UNC80: variants seen among roughly 807,000 people sequenced by gnomAD.
UNC80 encodes unc-80 subunit of NALCN channel complex, also known as protein unc-80 homolog.
In UNC80, 164 loss-of-function variants were observed where a neutral mutation model predicts 384.6. The ratio of observed to expected loss-of-function variants is 0.43; its 90% confidence interval spans 0.38 to 0.49. UNC80 has a LOEUF of 0.49. UNC80 is among the 20% of genes least tolerant of loss of function. The pLI is 0.00. For missense variants in UNC80, 3,330 were observed against 4,143.0 expected (o/e 0.80, Z 5.39); for synonymous variants, 1,486 against 1,527.8 (o/e 0.97, Z 0.64).
intron 4 of UNC80, 33 bp from the exon 5 acceptor site, chr2:209,786,033 G>T: frequency 2.5e-6 from 4 of 1,607,446 alleles, no homozygotes; most frequent in Non-Finnish European, 3.4e-6. Context: ...TTACATGTCA[G>T]TTATTGGACA....
chr2:209,913,436 T>C lies in UNC80; in HGVS notation c.4891-366T>C, dbSNP rs1269164664. ...CTGCTTATAGTTTTTGGTGGAAATC[T>C]ACTATTAGGAAGGAAAACAGGATCC... On this transcript the variant is annotated intron_variant, in intron 30 of 64. Coordinates refer to ENST00000673920, the MANE Select transcript of UNC80 (RefSeq NM_001371986.1). Among the ~76,000 whole-genome samples, 3 of 152,298 alleles carry C rather than the reference T, an allele frequency of 2.0e-5. No homozygotes were observed. The South Asian group carries it at 6.2e-4, about 32-fold the overall frequency.
At chr2:209,808,911 C>T (rs527739352) in intron 7 of UNC80, 11 of 282,676 alleles carry the variant, frequency 3.9e-5, no homozygotes, top group South Asian at 2.6e-4. Context: ...AGCAGCCCTA[C>T]CACCAGGCCC....
At chr2:209,914,968 C>A (rs1349669622) in intron 31 of UNC80, among the ~76,000 whole-genome samples, 2 of 152,004 alleles carry the variant, frequency 1.3e-5, no homozygotes, top group African/African-American at 4.8e-5. Context: ...CAATAAATAT[C>A]TTGGTAAAAT....
intron 51 of UNC80, among the ~76,000 whole-genome samples, chr2:209,964,899 A>T (rs183134243): frequency 6.8e-4 from 97 of 142,416 alleles, no homozygotes; most frequent in Middle Eastern, 7.4e-3. Flanking sequence ...CTAATTTGTT[A>T]AAAAAAAGTA....
At chr2:209,952,812 C>T (rs1023839898) in intron 47 of UNC80, among the ~76,000 whole-genome samples, 8 of 152,102 alleles carry the variant, frequency 5.3e-5, no homozygotes, top group Non-Finnish European at 1.0e-4. Context: ...AAAGCAGAAC[C>T]GACTTCTTGC....
chr2:209,913,521 T>C (rs918693409), intron 30 of UNC80, among the ~76,000 whole-genome samples: 1 of 152,180 alleles, frequency 6.6e-6, no homozygotes, highest in Admixed American at 6.5e-5. Flanking sequence ...TTTCTTTTCT[T>C]GTGGAGTTGT....
chr2:209,889,520 T>C (rs1001812399), intron 26 of UNC80, among the ~76,000 whole-genome samples: 11 of 152,180 alleles, frequency 7.2e-5, no homozygotes, highest in Admixed American at 1.3e-4. Flanking sequence ...TACTTTAAGC[T>C]CTGGGATACA....
At chr2:209,777,695 C>A (rs1194611383) in intron 4 of UNC80, 136 bp downstream of exon 4, 4 of 943,782 alleles carry the variant, frequency 4.2e-6, no homozygotes, top group Non-Finnish European at 6.3e-6. Context: ...AACTTTATTT[C>A]TGTGTTAAAC....
chr2:209,886,115 G>A (rs1236304155), intron 25 of UNC80, among the ~76,000 whole-genome samples: 1 of 151,484 alleles, frequency 6.6e-6, no homozygotes, highest in Non-Finnish European at 1.5e-5. Flanking sequence ...TAATCTTGGT[G>A]CAAACTTTTT....
chr2:209,907,291 CAAAAAA>C (rs35210647), intron 29 of UNC80, among the ~76,000 whole-genome samples: 1 of 68,660 alleles, frequency 1.5e-5, no homozygotes, highest in Admixed American at 1.7e-4. Context: ...CAATAATGGG[CAAAAAA>C]AAAAAAAAAA....
intron 47 of UNC80, 60 bp from the exon 48 acceptor site, chr2:209,954,040 G>T: frequency 2.0e-6 from 3 of 1,497,976 alleles, no homozygotes; most frequent in Non-Finnish European, 2.7e-6. Flanking sequence ...TCTTAAGTGT[G>T]ACACAACCAA....
intron 5 of UNC80, among the ~76,000 whole-genome samples, chr2:209,788,018 G>A (rs1286262712): frequency 6.6e-6 from 1 of 152,210 alleles, no homozygotes; most frequent in Non-Finnish European, 1.5e-5. Context: ...AGATGATCTT[G>A]ATGCCGGGTA....
chr2:209,826,609 A>G (rs565912837), intron 14 of UNC80, among the ~76,000 whole-genome samples: 2 of 152,270 alleles, frequency 1.3e-5, no homozygotes, highest in African/African-American at 4.8e-5. Flanking sequence ...GTCCTTGTCA[A>G]CTGTGTGAAA....
Position 209,771,906 on chromosome 2 carries a change from G to A in UNC80, c.-167G>A. On this transcript the variant is annotated 5_prime_UTR_variant, in exon 1 of 65. Coordinates refer to ENST00000673920, the MANE Select transcript of UNC80 (RefSeq NM_001371986.1). ...CTCCCGCAGCCATGTTCCACGCGCG[G>A]GGAGGGGTGGGGGGAGGGGAGAGGC... 1 of 617,688 alleles carries A rather than the reference G, an allele frequency of 1.6e-6. No individual in the cohort carries two copies. The highest frequency in any genetic ancestry group is 1.8e-5 in the South Asian group (1 of 56,402). The allele number at this position is 617,688 out of a possible 1,614,324, so 38.3% of individuals were successfully genotyped here.
At chr2:209,838,789 A>G (rs532881868) in intron 18 of UNC80, among the ~76,000 whole-genome samples, 89 of 152,008 alleles carry the variant, frequency 5.9e-4, no homozygotes, top group Middle Eastern at 3.4e-3. Flanking sequence ...GTGAAACCCC[A>G]TCTCTACTAA....
intron 14 of UNC80, among the ~76,000 whole-genome samples, chr2:209,828,846 T>C (rs376598164): frequency 1.3e-5 from 2 of 152,326 alleles, no homozygotes; most frequent in East Asian, 3.9e-4. Flanking sequence ...CATCTTCCCA[T>C]TGCACACAAA....
At chr2:209,888,490 T>C (rs963410951) in intron 26 of UNC80, among the ~76,000 whole-genome samples, 2 of 152,182 alleles carry the variant, frequency 1.3e-5, no homozygotes, top group African/African-American at 4.8e-5. Flanking sequence ...ATTACAGCTA[T>C]AAGATGAACC....
chr2:209,887,591 T>G (rs2085941891), intron 25 of UNC80, among the ~76,000 whole-genome samples: 1 of 152,194 alleles, frequency 6.6e-6, no homozygotes, highest in Non-Finnish European at 1.5e-5. Flanking sequence ...TGTTATTCTG[T>G]CGAGCACAGT....
At position 209,912,565 on chromosome 2, in the gene UNC80, A is replaced by G. The variant is rs2124941391; in HGVS notation, c.4788A>G (p.Ser1596=). 1.9e-6 allele frequency: 3 copies of G among 1,549,670 alleles called. No homozygotes were observed. The highest frequency in any genetic ancestry group is 3.3e-4 in the Middle Eastern group (2 of 5,982). ...ALRGKKQKEC[S]DKSCLRTPSL... is the part of the protein sequence containing the mutation. ...CATATCCCTGGTCTTTTCAGTGCTC[A>G]GATAAGTCATGCCTGAGGACACCTT... Residue 1596 remains serine (S), a synonymous_variant, in exon 30 of 65, where the codon TCA becomes TCG. Coordinates refer to ENST00000673920, the MANE Select transcript of UNC80 (RefSeq NM_001371986.1).
Sources: allele counts gnomAD v4.1 joint callset (sites outside exome capture counted in the v4.1 genomes callset), GRCh38; gene constraint gnomAD v4.1.1; transcripts MANE v1.5; gene names NCBI Gene and HGNC (gene_info 2026-07-23, HGNC 2026-07-21).